PSIP1: variants seen among roughly 807,000 people sequenced by gnomAD.
PSIP1 encodes the protein PC4 and SFRS1-interacting protein.
Under a neutral mutation model 74.7 loss-of-function variants are expected in PSIP1, and 19 were observed. The observed-to-expected ratio is 0.25, with a 90% confidence interval of 0.18 to 0.37. The LOEUF (loss-of-function observed/expected upper bound fraction) is 0.37, where lower values mean the gene tolerates loss of function less well. Ranked by LOEUF, PSIP1 falls within the 10% of genes least tolerant of loss-of-function variation. The pLI is 1.00. For missense variants in PSIP1, 601 were observed against 614.3 expected (o/e 0.98, Z 0.23); for synonymous variants, 222 against 195.3 (o/e 1.14, Z -1.14).
Position 15,469,255 on chromosome 9 carries a change from T to A in PSIP1, c.1104+11A>T, listed in dbSNP as rs570949918. The stretch of plus-strand genomic sequence containing the variant: ...GCAGTACTGAAGTATTAAATGAAGT[T>A]AAACACTTACAAGATTATCAATTTT... On this transcript the variant is annotated intron_variant, in intron 12 of 15. Coordinates refer to ENST00000380733, the MANE Select transcript of PSIP1 (RefSeq NM_033222.5). 1.1e-5 allele frequency: 17 copies of A among 1,509,736 alleles called. No individual in the cohort carries two copies. The highest frequency in any genetic ancestry group is 1.5e-5 in the Non-Finnish European group (17 of 1,103,124). 93.5% of individuals were successfully genotyped at this position (1,509,736 alleles called of 1,614,324 possible).
At chr9:15,478,676 T>C (rs2036204216) in intron 7 of PSIP1, 124 bp from the exon 8 acceptor site, 1 of 632,976 alleles carries the variant, frequency 1.6e-6, no homozygotes, top group Non-Finnish European at 2.7e-6. Flanking sequence ...ACAGATACAA[T>C]TATTGCTAAA....
At chr9:15,509,032 A>G (rs561948011) in intron 2 of PSIP1, among the ~76,000 whole-genome samples, 1 of 152,370 alleles carries the variant, frequency 6.6e-6, no homozygotes, top group East Asian at 1.9e-4. Context: ...AAGAAAGTCA[A>G]GGAACAGTGA....
intron 14 of PSIP1, among the ~76,000 whole-genome samples, chr9:15,468,204 G>C (rs939248158): frequency 6.6e-6 from 1 of 151,796 alleles, no homozygotes; most frequent in East Asian, 1.9e-4. Context: ...CAGAATACCT[G>C]TATCAAGTAA....
chr9:15,473,915 CA>C (rs386414512), intron 9 of PSIP1, 93 bp downstream of exon 9: 4,192 of 590,934 alleles, frequency 7.1e-3, no homozygotes, highest in East Asian at 9.0e-3. Flanking sequence ...AAAAAAAAAA[CA>C]AAAAAAAAAA....
intron 3 of PSIP1, among the ~76,000 whole-genome samples, chr9:15,493,879 G>A (rs906196396): frequency 6.6e-6 from 1 of 152,064 alleles, no homozygotes; most frequent in Non-Finnish European, 1.5e-5. Flanking sequence ...AATTTGGGTG[G>A]GGACACAGAG....
chr9:15,471,397 T>C, intron 10 of PSIP1: 2 of 1,511,074 alleles, frequency 1.3e-6, no homozygotes, highest in Non-Finnish European at 1.8e-6. Context: ...TGGAGGACAT[T>C]CAAAAGAAAC....
chr9:15,505,649 TCAATATACTAAAATCTA>T (rs1773390347), intron 3 of PSIP1: 3 of 152,190 alleles, frequency 2.0e-5, no homozygotes, highest in Non-Finnish European at 4.4e-5. Context: ...GTTATGATAG[TCAATATACTAAAATCTA>T]CTAAATATAC....
intron 14 of PSIP1, 194 bp downstream of exon 14, chr9:15,468,436 C>T: frequency 1.3e-6 from 1 of 770,754 alleles, no homozygotes; most frequent in Non-Finnish European, 2.4e-6. Context: ...CGAATATAAA[C>T]TGACATGATT....
intron 8 of PSIP1, among the ~76,000 whole-genome samples, chr9:15,475,802 A>G (rs2036049865): frequency 6.6e-6 from 1 of 152,198 alleles, no homozygotes; most frequent in Non-Finnish European, 1.5e-5. Flanking sequence ...TTCTTCCATG[A>G]AATACAGACT....
intron 3 of PSIP1, among the ~76,000 whole-genome samples, chr9:15,498,309 G>C (rs114231089): frequency 0.043 from 6,566 of 152,186 alleles, 478 homozygotes; most frequent in African/African-American, 0.15. Flanking sequence ...CCAGCCACTA[G>C]GAAGCCTGAA....
At chr9:15,495,801 T>G (rs1343740921) in intron 3 of PSIP1, among the ~76,000 whole-genome samples, 1 of 152,198 alleles carries the variant, frequency 6.6e-6, no homozygotes, top group Admixed American at 6.5e-5. Flanking sequence ...AACTACCTTT[T>G]TCATTTATGT....
At chr9:15,496,177 T>C (rs2037063862) in intron 3 of PSIP1, among the ~76,000 whole-genome samples, 1 of 152,222 alleles carries the variant, frequency 6.6e-6, no homozygotes, top group African/African-American at 2.4e-5. Context: ...GCAAATGTTG[T>C]AGTTTATACA....
intron 6 of PSIP1, among the ~76,000 whole-genome samples, chr9:15,482,653 C>G (rs2036385212): frequency 6.6e-6 from 1 of 152,172 alleles, no homozygotes; most frequent in Non-Finnish European, 1.5e-5. Context: ...ATAATTTATA[C>G]TGACTCCACA....
intron 3 of PSIP1, among the ~76,000 whole-genome samples, chr9:15,491,599 C>A (rs1347085181): frequency 2.0e-5 from 3 of 152,104 alleles, no homozygotes; most frequent in Non-Finnish European, 2.9e-5. Flanking sequence ...GAGGTTATGT[C>A]CCAATAAGTC....
chr9:15,481,039 A>G (rs2036314028), intron 6 of PSIP1, among the ~76,000 whole-genome samples: 1 of 152,250 alleles, frequency 6.6e-6, no homozygotes, highest in South Asian at 2.1e-4. Flanking sequence ...AAGCATATTA[A>G]AAGTATTATT....
intron 3 of PSIP1, among the ~76,000 whole-genome samples, chr9:15,495,119 C>CA (rs2037015543): frequency 6.6e-6 from 1 of 152,078 alleles, no homozygotes; most frequent in Non-Finnish European, 1.5e-5. Flanking sequence ...CCCTCATTTA[C>CA]AATTTAAAAT....
At position 15,473,938 on chromosome 9, in the gene PSIP1, C is replaced by CA. The variant is rs146902345; in HGVS notation, c.858+70dup. ...AACAAAAAAAAAAACAAAAAAAAAA[C>CA]AAAGAAAAAACAAAAAATATATATA... On this transcript the variant is annotated intron_variant, in intron 9 of 15. Coordinates refer to ENST00000380733, the MANE Select transcript of PSIP1 (RefSeq NM_033222.5). 2.0e-4 allele frequency: 124 copies of CA among 621,658 alleles called. No individual in the cohort carries two copies. In the African/African-American group the frequency reaches 3.7e-3, roughly 18 times the overall value. 38.5% of individuals were successfully genotyped at this position (621,658 alleles called of 1,614,324 possible). A position where few individuals can be genotyped will look rare whatever the true frequency, so the allele number is the denominator to read the frequency against.
At chr9:15,477,342 T>C (rs910590245) in intron 8 of PSIP1, among the ~76,000 whole-genome samples, 3 of 152,210 alleles carry the variant, frequency 2.0e-5, no homozygotes, top group Non-Finnish European at 4.4e-5. Context: ...TTTTATTTTG[T>C]GGTGAGAACC....
rs1289342529 is a variant in PSIP1 at position 15,464,762 on chromosome 9, A to C, written c.*758T>G. ...CTATAAAAGGACCTTAAATGATTTA[A>C]CCCTAAAGCCAGATTCATTCCTATA... On this transcript the variant is annotated 3_prime_UTR_variant, in exon 16 of 16. Transcript: ENST00000380733. The C allele has an allele frequency of 4.9e-6, 1 of 205,790 alleles. No individual in the cohort carries two copies. Among genetic ancestry groups the C allele is most frequent in the Non-Finnish European group, 9.9e-6 (1 of 100,668 alleles). 12.7% of individuals were successfully genotyped at this position (205,790 alleles called of 1,614,324 possible).
Sources: gnomAD v4.1 joint callset for allele counts (sites outside exome capture counted in the v4.1 genomes callset) on GRCh38, gnomAD v4.1.1 for gene constraint, MANE v1.5 for transcripts, NCBI Gene and HGNC (gene_info 2026-07-23, HGNC 2026-07-21) for gene names.